Variants in C8B observed in about 807,000 individuals in gnomAD.
C8B encodes the protein complement component C8 beta chain.
C8B carries 67 observed loss-of-function variants against 64.6 expected under a neutral mutation model. The ratio of observed to expected loss-of-function variants is 1.04; its 90% CI spans 0.85 to 1.27. C8B has a LOEUF of 1.27. Among genes scored for constraint, C8B ranks in the 50% most tolerant of loss-of-function variants. The pLI, the probability that C8B is intolerant of heterozygous loss-of-function variation, is 0.00. For synonymous variants in C8B, 284 were observed against 257.7 expected, an observed-to-expected ratio of 1.10 and a Z score of -0.98; for missense variants, 790 against 725.2, an observed-to-expected ratio of 1.09 and a Z score of -1.03.
Position 56,965,840 on chromosome 1 carries a change from T to C in C8B, c.92+17A>G. On this transcript the variant is annotated intron_variant, in intron 1 of 11. Transcript: ENST00000371237. The stretch of plus-strand genomic sequence containing the variant: ...GTCATATTATTGATCAGGGAATTAT[T>C]GGTAACTGTCACTTACCTGGAGCCA... 6.2e-7 allele frequency: 1 copy of C among 1,613,158 alleles called. No individual in the cohort carries two copies. The highest frequency in any genetic ancestry group is 2.2e-5 in the East Asian group (1 of 44,882).
chr1:56,945,737 A>G (rs1480449702), intron 7 of C8B, 84 bp downstream of exon 7: 1 of 1,547,476 alleles, frequency 6.5e-7, no homozygotes, highest in East Asian at 2.2e-5. Context: ...AGGTGTAGCC[A>G]GGAAGGTAGA....
At chr1:56,952,014 G>T (rs376272107) in intron 5 of C8B, 34 bp downstream of exon 5, 1 of 1,612,552 alleles carries the variant, frequency 6.2e-7, no homozygotes, top group African/African-American at 1.3e-5. Context: ...TGCTCAGCTG[G>T]GGCTCCCTCC....
chr1:56,943,923 C>T (rs1644903472), intron 7 of C8B, 99 bp from the exon 8 acceptor site: 1 of 1,401,450 alleles, frequency 7.1e-7, no homozygotes, highest in African/African-American at 1.4e-5. Context: ...TTGAATGTCA[C>T]AAGGACTCGG....
chr1:56,959,243 C>A (rs891228235), intron 2 of C8B, among the ~76,000 whole-genome samples: 5 of 152,194 alleles, frequency 3.3e-5, no homozygotes, highest in Admixed American at 2.6e-4. Flanking sequence ...TTATGAAGAA[C>A]CTATTCTGTG....
At chr1:56,958,335 G>A (rs1397793900) in intron 2 of C8B, among the ~76,000 whole-genome samples, 1 of 152,148 alleles carries the variant, frequency 6.6e-6, no homozygotes, top group Non-Finnish European at 1.5e-5. Flanking sequence ...CATTAATAAG[G>A]CATAGTTATT....
At chr1:56,933,528 T>C (rs749685215) in intron 9 of C8B, 40 bp from the exon 10 acceptor site, 1 of 1,576,884 alleles carries the variant, frequency 6.3e-7, no homozygotes, top group South Asian at 1.1e-5. Flanking sequence ...GAGAAAAACA[T>C]TTATCAAGTA....
chr1:56,957,887 T>C (rs936272930), intron 2 of C8B, among the ~76,000 whole-genome samples: 4 of 151,998 alleles, frequency 2.6e-5, no homozygotes, highest in African/African-American at 7.3e-5. Flanking sequence ...AGTGGAAGGC[T>C]TTGGAAGAAC....
chr1:56,952,231 A>C, intron 4 of C8B, 51 bp from the exon 5 acceptor site: 1 of 1,611,128 alleles, frequency 6.2e-7, no homozygotes, highest in Non-Finnish European at 8.5e-7. Flanking sequence ...GCGGTTGCTT[A>C]ATCTTGACTG....
rs1644659853 is a variant in C8B at position 56,929,297 on chromosome 1, T to C, written c.*107A>G. The C allele has an allele frequency of 8.6e-7, 1 of 1,168,120 alleles. No homozygotes were observed. The highest frequency in any genetic ancestry group is 1.3e-6 in the Non-Finnish European group (1 of 775,650). 72.4% of individuals were successfully genotyped at this position (1,168,120 alleles called of 1,614,324 possible). ...TTAAACAGCTTGCATGGCACTGCCT[T>C]TTGCCCTTGCATGAACTCCAGGTGG... On this transcript the variant is annotated 3_prime_UTR_variant, in exon 12 of 12. Coordinates refer to ENST00000371237, the MANE Select transcript of C8B (RefSeq NM_000066.4).
rs922431414 is a variant in C8B at position 56,954,798 on chromosome 1, T to G, written c.421A>C (p.Asn141His). The change falls in exon 4 of 12, where the codon AAT (asparagine) becomes CAT (histidine). Residue 141 changes from asparagine to histidine, a missense_variant. Physicochemically the swap from Asn to His is moderately conservative, Grantham distance 68. Transcript: ENST00000371237. ...GRCVNRRLLC[N>H]GDNDCGDQSD... ...TGGTCTCCACAGTCATTGTCCCCATTGCAAAGAAGTCTGCGGTTTACACAC... is the reference window on the plus strand; with the variant it reads ...TGGTCTCCACAGTCATTGTCCCCATGGCAAAGAAGTCTGCGGTTTACACAC... The G allele has an allele frequency of 1.9e-6, 3 of 1,613,954 alleles. No homozygotes were observed. The African/African-American group carries it at 4.0e-5, about 22-fold the overall frequency.
chr1:56,936,505 T>C (rs1644776431), intron 9 of C8B, among the ~76,000 whole-genome samples: 1 of 136,868 alleles, frequency 7.3e-6, no homozygotes, highest in South Asian at 2.7e-4. Context: ...AGGATCTCAT[T>C]TGTGGTAAAT....
Position 56,952,115 on chromosome 1 carries a change from C to T in C8B, c.599G>A (p.Cys200Tyr). 6.2e-7 allele frequency: 1 copy of T among 1,614,134 alleles called. No homozygotes were observed. Residue 200 changes from cysteine to tyrosine, a missense_variant, in exon 5 of 12, where the codon TGC becomes TAC. Physicochemically the swap from Cys to Tyr is radical, Grantham distance 194 (BLOSUM62 -2). Coordinates refer to ENST00000371237, the MANE Select transcript of C8B (RefSeq NM_000066.4). ...CGTGTTCAGGATGTAATGCGGGGAG[C>T]ATCCACCTGCATAATACCTGTGATC... ...VLDHRYYAGGCSPHYILNTRF... is the reference protein window; with the variant it reads ...VLDHRYYAGGYSPHYILNTRF...
Position 56,931,719 on chromosome 1 carries a change from A to C in C8B, c.1621+91T>G, listed in dbSNP as rs986532585. On this transcript the variant is annotated intron_variant, in intron 11 of 11. Transcript: ENST00000371237. ...CAGGATGGATCTCAGGTTTCCTAGT[A>C]TCCAGCCCCACACTCCACACCAGCT... 2.0e-5 allele frequency: 17 copies of C among 830,668 alleles called. No individual in the cohort carries two copies. The African/African-American group carries it at 2.5e-4, about 12-fold the overall frequency. 51.5% of individuals were successfully genotyped at this position (830,668 alleles called of 1,614,324 possible).
chr1:56,965,535 T>G (rs1416494317), intron 1 of C8B, among the ~76,000 whole-genome samples: 2 of 152,058 alleles, frequency 1.3e-5, no homozygotes, highest in African/African-American at 4.8e-5. Flanking sequence ...TCTTTTGTCC[T>G]CTGTATGTAA....
intron 5 of C8B, among the ~76,000 whole-genome samples, chr1:56,951,354 C>T (rs1160459284): frequency 6.6e-6 from 1 of 152,156 alleles, no homozygotes; most frequent in Non-Finnish European, 1.5e-5. Context: ...GGAACTTAAC[C>T]TAAGGTAAAA....
intron 8 of C8B, 72 bp from the exon 9 acceptor site, chr1:56,941,084 C>A (rs1355749513): frequency 1.3e-6 from 2 of 1,529,174 alleles, no homozygotes; most frequent in Admixed American, 1.8e-5. Context: ...GCAACCCAAC[C>A]AACAATTTGG....
At chr1:56,951,739 A>C (rs373458987) in intron 5 of C8B, among the ~76,000 whole-genome samples, 1 of 152,252 alleles carries the variant, frequency 6.6e-6, no homozygotes, top group East Asian at 1.9e-4. Flanking sequence ...TAGCCTTTGG[A>C]TTATATGGAT....
rs2101435666 is a variant in C8B at position 56,952,302 on chromosome 1, T to A, written c.534-122A>T. The A allele has an allele frequency of 2.2e-6, 3 of 1,344,874 alleles. No individual in the cohort carries two copies. The Middle Eastern group carries it at 5.4e-4, about 244-fold the overall frequency. The allele number at this position is 1,344,874 out of a possible 1,614,324, so 83.3% of individuals were successfully genotyped here. On this transcript the variant is annotated intron_variant, in intron 4 of 11. Coordinates refer to ENST00000371237, the MANE Select transcript of C8B (RefSeq NM_000066.4). ...CACAGCCTTCAAGGCCCTTGATACC[T>A]GGTCCAAGCCAGCTTTCCAGCTTCA...
Position 56,939,583 on chromosome 1 carries a change from A to G in C8B, c.1398+1266T>C, listed in dbSNP as rs527566487. ...GAAGAGCATGGTGTTAAGACGTGCT[A>G]TGGGCCCTGTGCAGAAGTCCCCACA... is the stretch of plus-strand genomic sequence containing the variant. On this transcript the variant is annotated intron_variant, in intron 9 of 11. Coordinates refer to ENST00000371237, the MANE Select transcript of C8B (RefSeq NM_000066.4). Among the ~76,000 whole-genome samples, 8 of 152,292 alleles carry G rather than the reference A, an allele frequency of 5.3e-5. No homozygotes were observed. In the East Asian group the frequency reaches 1.5e-3, roughly 29 times the overall value.
Sources: gnomAD v4.1 joint callset for allele counts (sites outside exome capture counted in the v4.1 genomes callset) on GRCh38, gnomAD v4.1.1 for gene constraint, MANE v1.5 for transcripts, NCBI Gene and HGNC (gene_info 2026-07-23, HGNC 2026-07-21) for gene names.